PPP2R2D: variants seen among roughly 807,000 people sequenced by gnomAD.
The protein encoded by PPP2R2D is protein phosphatase 2 regulatory subunit Bdelta.
PPP2R2D carries 9 observed loss-of-function variants against 31.1 expected under a neutral mutation model. The ratio of observed to expected loss-of-function variants is 0.29; its 90% CI spans 0.17 to 0.51. PPP2R2D has a LOEUF of 0.51. Among genes scored for constraint, PPP2R2D ranks in the 20% least tolerant of loss-of-function variants. The probability of loss-of-function intolerance (pLI) is 0.98; values close to 1 mark genes in which losing one functional copy is unlikely to be tolerated. For missense variants in PPP2R2D, 391 were observed against 465.6 expected (o/e 0.84, Z 1.48); for synonymous variants, 179 against 172.6 (o/e 1.04, Z -0.29).
intron 8 of PPP2R2D, among the ~76,000 whole-genome samples, chr10:131,948,166 C>A (rs370766183): frequency 6.6e-6 from 1 of 152,206 alleles, no homozygotes; most frequent in African/African-American, 2.4e-5. Context: ...GCCTTTCCTT[C>A]TGGAGAGAAG....
At chr10:131,921,336 G>A (rs1226390952) in intron 2 of PPP2R2D, among the ~76,000 whole-genome samples, 3 of 152,206 alleles carry the variant, frequency 2.0e-5, no homozygotes, top group Non-Finnish European at 4.4e-5. Context: ...GGCACCATGA[G>A]TAAAGGCGCT....
At chr10:131,970,598 C>G in the PPP2R2D span, 1 of 1,604,640 alleles carries the variant, frequency 6.2e-7, no homozygotes, top group East Asian at 2.2e-5. This position sits in a 1 kb window ranked among gnomAD's most constrained non-coding sequence, Gnocchi z 4.1. Flanking sequence ...AATCGCCCCA[C>G]GACATGCCAT....
chr10:131,919,276 C>T (rs1175687713), intron 2 of PPP2R2D, among the ~76,000 whole-genome samples: 1 of 97,942 alleles, frequency 1.0e-5, no homozygotes, highest in Non-Finnish European at 2.0e-5. Flanking sequence ...GGTGGAATGG[C>T]ACAGCGTTTG....
intron 8 of PPP2R2D, among the ~76,000 whole-genome samples, chr10:131,950,058 G>A (rs1351494730): frequency 6.6e-5 from 10 of 151,980 alleles, no homozygotes; most frequent in Admixed American, 1.3e-4. Context: ...AGGAGTCAGA[G>A]AACATCTAGA....
At chr10:131,918,619 C>A (rs1335855143) in intron 2 of PPP2R2D, among the ~76,000 whole-genome samples, 2 of 141,018 alleles carry the variant, frequency 1.4e-5, no homozygotes, top group African/African-American at 5.4e-5. Context: ...TTTGTAGGGA[C>A]CTCAGGCAGG....
intron 2 of PPP2R2D, among the ~76,000 whole-genome samples, chr10:131,906,758 CAAA>C (rs879099384): frequency 5.9e-5 from 6 of 101,734 alleles, no homozygotes; most frequent in Non-Finnish European, 4.2e-5. Flanking sequence ...TTGTCTCTAC[CAAA>C]AAAAAAAAAA....
At chr10:131,907,128 A>T (rs889445738) in intron 2 of PPP2R2D, among the ~76,000 whole-genome samples, 3 of 152,122 alleles carry the variant, frequency 2.0e-5, no homozygotes, top group African/African-American at 7.2e-5. Flanking sequence ...GGTGAATGCA[A>T]AACTTGTCAG....
intron 2 of PPP2R2D, among the ~76,000 whole-genome samples, chr10:131,907,258 T>A (rs1471269285): frequency 2.0e-5 from 3 of 152,180 alleles, no homozygotes; most frequent in Admixed American, 1.3e-4. Flanking sequence ...TCCGGTCTGA[T>A]TTCTATATTC....
At chr10:131,927,158 T>C (rs1050988673) in intron 2 of PPP2R2D, among the ~76,000 whole-genome samples, 1 of 151,938 alleles carries the variant, frequency 6.6e-6, no homozygotes, top group African/African-American at 2.4e-5. Flanking sequence ...GATTCATTAA[T>C]GGGAAGTGGG....
chr10:131,954,072 C>G (rs929864173), intron 8 of PPP2R2D, among the ~76,000 whole-genome samples: 1 of 152,182 alleles, frequency 6.6e-6, no homozygotes, highest in African/African-American at 2.4e-5. Flanking sequence ...CTAGGTCGCC[C>G]CACAGAACCA....
At position 131,914,188 on chromosome 10, in the gene PPP2R2D, C is replaced by T. The variant is rs117908949; in HGVS notation, c.100+12858C>T. On this transcript the variant is annotated intron_variant, in intron 2 of 8. Transcript: ENST00000455566. ...GGTGAGTAAAAGAGTTAACATTAAT[C>T]ATCATAGAAATGGTATTAATGAGCA... Among the ~76,000 whole-genome samples the T allele has an allele frequency of 1.1e-3, 168 of 152,292 alleles. 3 individuals carry two copies. The East Asian group carries it at 0.029, about 26-fold the overall frequency.
intron 2 of PPP2R2D, among the ~76,000 whole-genome samples, chr10:131,903,770 C>T (rs1370487852): frequency 6.6e-6 from 1 of 152,134 alleles, no homozygotes; most frequent in African/African-American, 2.4e-5. Context: ...GTTGTGATAC[C>T]GTTGCTTTGT....
intron 2 of PPP2R2D, among the ~76,000 whole-genome samples, chr10:131,919,243 T>A (rs2035909855): frequency 9.2e-6 from 1 of 108,478 alleles, no homozygotes; most frequent in African/African-American, 3.7e-5. Flanking sequence ...GCGGGTGGAA[T>A]GACAGTGTAG....
intron 8 of PPP2R2D, among the ~76,000 whole-genome samples, chr10:131,950,558 C>T (rs1419865550): frequency 1.3e-5 from 2 of 152,008 alleles, no homozygotes; most frequent in Non-Finnish European, 2.9e-5. Flanking sequence ...GAAGTAGATG[C>T]TCGTTCAAGA....
chr10:131,963,206 G>A (rs544758946), downstream of PPP2R2D, among the ~76,000 whole-genome samples: 3 of 152,314 alleles, frequency 2.0e-5, no homozygotes, highest in Admixed American at 6.5e-5. Context: ...TCTGTTCCAG[G>A]AGGATGGGAA....
At chr10:131,965,176 A>G in the PPP2R2D span, among the ~76,000 whole-genome samples, 3 of 152,184 alleles carry the variant, frequency 2.0e-5, no homozygotes, top group Non-Finnish European at 4.4e-5. Flanking sequence ...GGATCCACAG[A>G]GGGGGCCACA....
At chr10:131,929,544 C>T (rs374147588) in intron 2 of PPP2R2D, among the ~76,000 whole-genome samples, 25 of 152,172 alleles carry the variant, frequency 1.6e-4, no homozygotes, top group African/African-American at 6.0e-4. Flanking sequence ...AGGGGACTTC[C>T]GCCATAGGCT....
At position 131,956,721 on chromosome 10, in the gene PPP2R2D, C is replaced by A; in HGVS notation, c.*758C>A. The A allele has an allele frequency of 3.2e-6, 1 of 314,862 alleles. No homozygotes were observed. The allele number at this position is 314,862 out of a possible 1,614,324, so 19.5% of individuals were successfully genotyped here. ...CCGCTGTGTTTCTGTAGAAGTAGCC[C>A]ATCAGATACACCAGGTAAGGTCTGG... On this transcript the variant is annotated 3_prime_UTR_variant, in exon 9 of 9. Coordinates refer to ENST00000455566, the MANE Select transcript of PPP2R2D (RefSeq NM_018461.5).
intron 5 of PPP2R2D, among the ~76,000 whole-genome samples, chr10:131,942,028 C>T (rs565727247): frequency 1.3e-5 from 2 of 152,298 alleles, no homozygotes; most frequent in Admixed American, 6.5e-5. Flanking sequence ...GACAGTAACA[C>T]GAGTTGTGCA....
Sources: allele counts gnomAD v4.1 joint callset (sites outside exome capture counted in the v4.1 genomes callset), GRCh38; gene constraint gnomAD v4.1.1; non-coding constraint Gnocchi (gnomAD v3.1); transcripts MANE v1.5; gene names NCBI Gene and HGNC (gene_info 2026-07-23, HGNC 2026-07-21).